NRG1: variants seen among roughly 807,000 people sequenced by gnomAD.
The protein encoded by NRG1 is neuregulin 1.
A neutral mutation model predicts 63.8 loss-of-function variants in NRG1; 18 were observed. The observed-to-expected ratio is 0.28, with a 90% CI of 0.19 to 0.42. The LOEUF (loss-of-function observed/expected upper bound fraction) is 0.42. Among genes scored for constraint, NRG1 ranks in the 10% least tolerant of loss-of-function variants. The probability of loss-of-function intolerance (pLI) is 1.00; values close to 1 mark genes in which losing one functional copy is unlikely to be tolerated. For missense variants in NRG1, 762 were observed against 814.7 expected (o/e 0.94, Z 0.79); for synonymous variants, 302 against 301.3 (o/e 1.00, Z -0.02).
At chr8:31,754,754 A>G (rs1342577187) in intron 1 of NRG1, among the ~76,000 whole-genome samples, 1 of 152,078 alleles carries the variant, frequency 6.6e-6, no homozygotes, top group East Asian at 1.9e-4. Context: ...TACTATGATT[A>G]TAGTGGACAA....
intron 1 of NRG1, among the ~76,000 whole-genome samples, chr8:32,561,263 A>G (rs1397003261): frequency 6.6e-6 from 1 of 152,170 alleles, no homozygotes. Context: ...CAGATAAGAG[A>G]GATGTATTTC....
intron 1 of NRG1, among the ~76,000 whole-genome samples, chr8:32,316,204 G>A (rs144980537): frequency 5.9e-5 from 9 of 152,282 alleles, no homozygotes; most frequent in Admixed American, 2.0e-4. Flanking sequence ...GGGACCGGGC[G>A]CGGTGGCTCA....
At chr8:32,466,277 T>C (rs973298458) in intron 1 of NRG1, among the ~76,000 whole-genome samples, 1 of 151,850 alleles carries the variant, frequency 6.6e-6, no homozygotes, top group African/African-American at 2.4e-5. Flanking sequence ...CAGTGAGCCA[T>C]GTTTATACCC....
chr8:32,067,993 C>T (rs1825148380), intron 1 of NRG1, among the ~76,000 whole-genome samples: 1 of 152,142 alleles, frequency 6.6e-6, no homozygotes, highest in Admixed American at 6.5e-5. Flanking sequence ...AGAACCTAAC[C>T]TTCAAGATGA....
intron 1 of NRG1, among the ~76,000 whole-genome samples, chr8:32,372,365 A>T (rs1809015268): frequency 6.6e-6 from 1 of 152,026 alleles, no homozygotes; most frequent in Non-Finnish European, 1.5e-5. Flanking sequence ...CATGCTGTTT[A>T]ACAAGTTCTC....
intron 1 of NRG1, among the ~76,000 whole-genome samples, chr8:31,910,422 G>T (rs1832846877): frequency 6.6e-6 from 1 of 152,190 alleles, no homozygotes; most frequent in South Asian, 2.1e-4. Context: ...TTTAAGCAGG[G>T]CTATGAGTTT....
At chr8:32,546,623 T>C (rs1195213121), upstream of NRG1, among the ~76,000 whole-genome samples, 3 of 152,246 alleles carry the variant, frequency 2.0e-5, no homozygotes, top group Non-Finnish European at 4.4e-5. Flanking sequence ...CATCATCTTT[T>C]CTCTGCTTTT....
At chr8:32,305,763 G>A (rs929264529) in intron 1 of NRG1, among the ~76,000 whole-genome samples, 2 of 152,166 alleles carry the variant, frequency 1.3e-5, no homozygotes, top group African/African-American at 4.8e-5. Context: ...TCCAGGGGAT[G>A]TTACCTTAAG....
Position 32,041,167 on chromosome 8 carries a change from T to C in NRG1, c.37+401736T>C, listed in dbSNP as rs139879561. ...TAGAAAAATGGCAAGTAGAAGCTTATCATGGGTGAAGTTAACAACAAAAGG... is the reference window on the plus strand; with the variant it reads ...TAGAAAAATGGCAAGTAGAAGCTTACCATGGGTGAAGTTAACAACAAAAGG... On this transcript the variant is annotated intron_variant, in intron 1 of 10. Transcript: ENST00000519301. Among the ~76,000 whole-genome samples the C allele has an allele frequency of 7.4e-3, 1,121 of 152,250 alleles. 19 individuals are homozygous for C. The highest frequency in any genetic ancestry group is 0.026 in the African/African-American group (1,072 of 41,558).
chr8:32,443,587 A>T (rs1314985069), intron 1 of NRG1, among the ~76,000 whole-genome samples: 2 of 152,150 alleles, frequency 1.3e-5, no homozygotes, highest in East Asian at 3.9e-4. Flanking sequence ...TGGAAGGCAG[A>T]TATTACAAAG....
At chr8:32,659,358 G>A (rs1802297547) in intron 5 of NRG1, among the ~76,000 whole-genome samples, 1 of 152,038 alleles carries the variant, frequency 6.6e-6, no homozygotes, top group African/African-American at 2.4e-5. Context: ...ATGTTGGCCA[G>A]GCTGGCCTTG....
At chr8:32,762,771 G>A (rs1830953433) in intron 11 of NRG1, among the ~76,000 whole-genome samples, 2 of 152,188 alleles carry the variant, frequency 1.3e-5, no homozygotes, top group African/African-American at 4.8e-5. Flanking sequence ...GCTGAGAAAT[G>A]TGACTCTGAA....
intron 3 of NRG1, among the ~76,000 whole-genome samples, chr8:32,612,461 T>C (rs1846527386): frequency 6.6e-6 from 1 of 152,072 alleles, no homozygotes; most frequent in African/African-American, 2.4e-5. Flanking sequence ...AAGTTTGTAT[T>C]TGAAACCATA....
At chr8:31,708,411 C>T (rs1403199339) in intron 1 of NRG1, among the ~76,000 whole-genome samples, 4 of 151,248 alleles carry the variant, frequency 2.6e-5, no homozygotes, top group Admixed American at 6.6e-5. Context: ...CAACAACTTC[C>T]GATTATTACT....
At chr8:31,736,150 T>C (rs1212991929) in intron 1 of NRG1, among the ~76,000 whole-genome samples, 1 of 152,124 alleles carries the variant, frequency 6.6e-6, no homozygotes, top group Non-Finnish European at 1.5e-5. Context: ...ACCTGACCTC[T>C]TTTTCTACCA....
intron 1 of NRG1, among the ~76,000 whole-genome samples, chr8:31,925,463 C>T (rs962778948): frequency 5.9e-5 from 9 of 151,866 alleles, no homozygotes; most frequent in East Asian, 1.9e-4. Flanking sequence ...ACAAATTTAT[C>T]GTGCTTGAGT....
At chr8:32,552,161 G>A (rs1248364437) in intron 1 of NRG1, among the ~76,000 whole-genome samples, 1 of 150,570 alleles carries the variant, frequency 6.6e-6, no homozygotes, top group East Asian at 2.0e-4. Flanking sequence ...CACATGCCTC[G>A]GCCTCCCAAA....
At chr8:32,461,431 G>A (rs1233251997) in intron 1 of NRG1, among the ~76,000 whole-genome samples, 1 of 152,212 alleles carries the variant, frequency 6.6e-6, no homozygotes, top group Non-Finnish European at 1.5e-5. Flanking sequence ...GGGCGCGGTG[G>A]CTCATGCCTG....
intron 1 of NRG1, among the ~76,000 whole-genome samples, chr8:32,539,993 G>A (rs565704942): frequency 6.6e-5 from 10 of 152,270 alleles, no homozygotes; most frequent in East Asian, 1.9e-4. Context: ...AGTTGGAGAC[G>A]AGACAGAGTC....
Sources: allele counts gnomAD v4.1 joint callset (sites outside exome capture counted in the v4.1 genomes callset), GRCh38; gene constraint gnomAD v4.1.1; transcripts MANE v1.5; gene names NCBI Gene and HGNC (gene_info 2026-07-23, HGNC 2026-07-21).